MPHOSPH9: variants seen among roughly 807,000 people sequenced by gnomAD.
MPHOSPH9 encodes the protein M-phase phosphoprotein 9.
MPHOSPH9 carries 88 observed loss-of-function variants against 145.5 expected under a neutral mutation model. The observed-to-expected ratio is 0.60, with a 90% CI of 0.51 to 0.72. MPHOSPH9 has a LOEUF of 0.72. Among genes scored for constraint, MPHOSPH9 ranks in the 30% least tolerant of loss-of-function variants. MPHOSPH9 has a pLI of 0.00. For missense variants in MPHOSPH9, 1,238 were observed against 1,386.6 expected, an observed-to-expected ratio of 0.89 and a Z score of 1.70; for synonymous variants, 435 against 486.2, an observed-to-expected ratio of 0.89 and a Z score of 1.39.
intron 1 of MPHOSPH9, among the ~76,000 whole-genome samples, chr12:123,243,271 C>G (rs1346682586): frequency 7.2e-6 from 1 of 137,976 alleles, no homozygotes; most frequent in Non-Finnish European, 1.6e-5. Flanking sequence ...TGGCTCACGC[C>G]TGTAATCCCA....
chr12:123,223,270 T>C (rs1272261927), intron 3 of MPHOSPH9, 143 bp from the exon 4 acceptor site: 4 of 443,138 alleles, frequency 9.0e-6, no homozygotes, highest in African/African-American at 2.1e-5. Context: ...ATAGCTAGAG[T>C]ATGCTGGCGC....
intron 23 of MPHOSPH9, among the ~76,000 whole-genome samples, chr12:123,158,503 G>C (rs1020258803): frequency 6.6e-6 from 1 of 152,118 alleles, no homozygotes; most frequent in African/African-American, 2.4e-5. Context: ...TTACTCAAGG[G>C]GCTGAGGCCT....
chr12:123,176,728 G>C lies in MPHOSPH9; in HGVS notation c.2416C>G (p.Arg806Gly). Residue 806 changes from arginine (R) to glycine (G), a missense_variant, in exon 16 of 24, where the codon CGT becomes GGT. Arg to Gly is a moderately radical substitution (Grantham distance 125). Transcript: ENST00000606320. ...CTCACGTGAATTCTAGAATTATGAC[G>C]AAGGCTTAACATATTTTCATGTTCT... ...QVEHENMLSL[R>G]HNSRIHVRPS... 1 of 1,613,888 alleles carries C rather than the reference G, an allele frequency of 6.2e-7. No individual in the cohort carries two copies. Among genetic ancestry groups the C allele is most frequent in the Non-Finnish European group, 8.5e-7 (1 of 1,179,924 alleles).
intron 1 of MPHOSPH9, among the ~76,000 whole-genome samples, chr12:123,238,643 GTCTGTCCTAGCAA>G (rs2047887579): frequency 6.6e-6 from 1 of 152,128 alleles, no homozygotes; most frequent in South Asian, 2.1e-4. Context: ...TTTTAAAAGT[GTCTGTCCTAGCAA>G]TCAGAAGAAC....
At chr12:123,200,384 G>A (rs2046167803) in intron 11 of MPHOSPH9, among the ~76,000 whole-genome samples, 1 of 151,588 alleles carries the variant, frequency 6.6e-6, no homozygotes, top group African/African-American at 2.4e-5. Context: ...TTTACACAGT[G>A]ATTACATCTA....
chr12:123,196,512 C>A (rs766106683), intron 12 of MPHOSPH9, among the ~76,000 whole-genome samples: 3 of 151,804 alleles, frequency 2.0e-5, no homozygotes, highest in Non-Finnish European at 4.4e-5. Flanking sequence ...AACTTTTGAC[C>A]CTTAAAAAGA....
chr12:123,163,938 TCTAA>T lies in MPHOSPH9; in HGVS notation c.2908+8_2908+11del. 1 of 1,613,996 alleles carries T rather than the reference TCTAA, an allele frequency of 6.2e-7. No homozygotes were observed. Among genetic ancestry groups the T allele is most frequent in the Non-Finnish European group, 8.5e-7 (1 of 1,179,942 alleles). ...CTTTTGAACCCAAGAGATGTACACA[TCTAA>T]CTCTTACTTGGAGTACTTGATTTAC... On this transcript the variant is annotated splice_region_variant and intron_variant, in intron 19 of 23. Coordinates refer to ENST00000606320, the MANE Select transcript of MPHOSPH9 (RefSeq NM_022782.4).
At chr12:123,191,021 T>G (rs763318153) in intron 13 of MPHOSPH9, among the ~76,000 whole-genome samples, 10 of 152,074 alleles carry the variant, frequency 6.6e-5, no homozygotes, top group African/African-American at 2.4e-4. Flanking sequence ...TGTGAATAAT[T>G]AGAAACAATA....
At chr12:123,222,300 G>C (rs1593235380) in intron 4 of MPHOSPH9, among the ~76,000 whole-genome samples, 1 of 149,932 alleles carries the variant, frequency 6.7e-6, no homozygotes, top group African/African-American at 2.5e-5. Context: ...ACGCCAGCCT[G>C]GGTGACAGAG....
At chr12:123,218,234 A>T (rs1039523865) in intron 6 of MPHOSPH9, 142 bp downstream of exon 6, 4 of 1,249,052 alleles carry the variant, frequency 3.2e-6, no homozygotes, top group Non-Finnish European at 4.3e-6. Context: ...CTCCGTCTCA[A>T]AAAAACAACA....
At chr12:123,198,460 G>C in intron 11 of MPHOSPH9, 126 bp from the exon 12 acceptor site, 1 of 750,354 alleles carries the variant, frequency 1.3e-6, no homozygotes. Context: ...TAAGACTCAG[G>C]ATGCCATTTT....
At chr12:123,192,953 T>C (rs1040435111) in intron 13 of MPHOSPH9, among the ~76,000 whole-genome samples, 1 of 150,304 alleles carries the variant, frequency 6.7e-6, no homozygotes, top group African/African-American at 2.5e-5. Flanking sequence ...GCGCCTGTAC[T>C]CCCAGCTACT....
intron 18 of MPHOSPH9, among the ~76,000 whole-genome samples, chr12:123,164,735 AACACTTTGTGTTT>A (rs1408848332): frequency 2.0e-5 from 3 of 152,338 alleles, no homozygotes; most frequent in African/African-American, 4.8e-5. Context: ...CTGTAATCAC[AACACTTTGTGTTT>A]ACACTTTGTG....
intron 16 of MPHOSPH9, among the ~76,000 whole-genome samples, chr12:123,167,462 C>G (rs146495767): frequency 6.6e-6 from 1 of 152,248 alleles, no homozygotes; most frequent in Non-Finnish European, 1.5e-5. Context: ...GGAAACATCC[C>G]TAACAAGGGA....
chr12:123,202,460 T>C (rs2046263541), intron 10 of MPHOSPH9, 141 bp from the exon 11 acceptor site: 1 of 1,189,194 alleles, frequency 8.4e-7, no homozygotes, highest in Admixed American at 2.7e-5. Context: ...TATAGATTAA[T>C]ACACAAAAAG....
At chr12:123,222,769 C>G (rs1489206964) in intron 4 of MPHOSPH9, among the ~76,000 whole-genome samples, 1 of 152,138 alleles carries the variant, frequency 6.6e-6, no homozygotes, top group East Asian at 1.9e-4. Flanking sequence ...AAACCCGTCT[C>G]TACTAAAAAT....
intron 11 of MPHOSPH9, among the ~76,000 whole-genome samples, chr12:123,200,098 A>C (rs558116294): frequency 2.3e-4 from 35 of 152,320 alleles, no homozygotes; most frequent in South Asian, 1.7e-3. Flanking sequence ...CCAAGTTCTA[A>C]ATCCGTGACA....
At chr12:123,187,894 G>A (rs1378666612) in intron 13 of MPHOSPH9, among the ~76,000 whole-genome samples, 1 of 152,202 alleles carries the variant, frequency 6.6e-6, no homozygotes, top group East Asian at 1.9e-4. Context: ...GGTAGACTGA[G>A]GCGGGTGAAT....
chr12:123,205,304 G>C (rs1335933792), intron 8 of MPHOSPH9, among the ~76,000 whole-genome samples: 2 of 152,180 alleles, frequency 1.3e-5, no homozygotes, highest in South Asian at 4.1e-4. Flanking sequence ...CCAACACTTT[G>C]GGAGGCCAAG....
Sources: allele counts gnomAD v4.1 joint callset (sites outside exome capture counted in the v4.1 genomes callset), GRCh38; gene constraint gnomAD v4.1.1; transcripts MANE v1.5; gene names NCBI Gene and HGNC (gene_info 2026-07-23, HGNC 2026-07-21).